The following RETREG1 variants were observed in gnomAD, a reference collection of about 807,000 sequenced individuals.
The protein encoded by RETREG1 is reticulophagy regulator 1, also known as family with sequence similarity 134 member B.
A neutral mutation model predicts 54.8 loss-of-function variants in RETREG1; 44 were observed. The observed-to-expected ratio is 0.80, with a 90% CI of 0.63 to 1.03. RETREG1 has a LOEUF of 1.03. Ranked by LOEUF, RETREG1 falls within the 50% of genes least tolerant of loss-of-function variation. The pLI, the probability that RETREG1 is intolerant of heterozygous loss-of-function variation, is 0.00. For missense variants in RETREG1, 554 were observed against 605.1 expected (o/e 0.92, Z 0.89); for synonymous variants, 217 against 238.5 (o/e 0.91, Z 0.83).
chr5:16,568,096 C>A (rs1311552260), intron 2 of RETREG1, among the ~76,000 whole-genome samples: 1 of 151,962 alleles, frequency 6.6e-6, no homozygotes, highest in Non-Finnish European at 1.5e-5. Flanking sequence ...TAGAAGAGTT[C>A]CCCAGAGTTC....
rs1321927615 is a variant in RETREG1, at chr5:16,473,737, A to G, written c.*1004T>C. 6.6e-6 allele frequency: 1 copy of G among 152,270 alleles called. No homozygotes were observed. The highest frequency in any genetic ancestry group is 1.5e-5 in the Non-Finnish European group (1 of 68,012). 9.4% of individuals were successfully genotyped at this position (152,270 alleles called of 1,614,324 possible). On this transcript the variant is annotated 3_prime_UTR_variant, in exon 9 of 9. Coordinates refer to ENST00000306320, the MANE Select transcript of RETREG1 (RefSeq NM_001034850.3). ...CCAATAAGAAACAGATTCCATATTT[A>G]TACTTAAATGGCAAATAAATATATT...
chr5:16,593,256 C>T lies in RETREG1; in HGVS notation c.321-21154G>A, dbSNP rs1056159976. Among the ~76,000 whole-genome samples the T allele has an allele frequency of 2.0e-5, 3 of 152,076 alleles. No homozygotes were observed. Among genetic ancestry groups the T allele is most frequent in the Non-Finnish European group, 4.4e-5 (3 of 68,012 alleles). On this transcript the variant is annotated intron_variant, in intron 1 of 8. Transcript: ENST00000306320. This position sits in a 1 kb window ranked among gnomAD's most constrained non-coding sequence, Gnocchi z 4.9. ...TGATGTGTTTTCCTTTCAGAGCACG[C>T]CTTCTGACTCCCACTTGTATGCTGG...
At chr5:16,578,063 T>C in intron 1 of RETREG1, among the ~76,000 whole-genome samples, 1 of 152,214 alleles carries the variant, frequency 6.6e-6, no homozygotes, top group East Asian at 1.9e-4. Flanking sequence ...ATATTTGACG[T>C]GTTTCAGTCA....
chr5:16,573,742 G>GTT (rs34651832), intron 1 of RETREG1, among the ~76,000 whole-genome samples: 36 of 126,524 alleles, frequency 2.8e-4, no homozygotes, highest in South Asian at 7.6e-4. Context: ...TTTGTTTTTT[G>GTT]TTTTTTTTTT....
chr5:16,576,294 C>CTTTTTTTT (rs70940380), intron 1 of RETREG1, among the ~76,000 whole-genome samples: 1 of 125,836 alleles, frequency 7.9e-6, no homozygotes, highest in African/African-American at 2.9e-5. Flanking sequence ...TTTTCTTTTT[C>CTTTTTTTT]TTTTTTTTTT....
In RETREG1 at chr5:16,512,840, T is replaced by C. The variant is rs372990860; in HGVS notation, c.459-29368A>G. Among the ~76,000 whole-genome samples the C allele has an allele frequency of 2.0e-4, 31 of 152,114 alleles. No individual in the cohort carries two copies. In the South Asian group the frequency reaches 4.8e-3, roughly 23 times the overall value. ...ATGAGGCCTTCTGTGATTGTTCTGA[T>C]TGAGGAGATGTCAGCAGAAACATCA... On this transcript the variant is annotated intron_variant, in intron 3 of 8. Transcript: ENST00000306320.
chr5:16,497,715 T>C (rs1484136729), intron 3 of RETREG1, among the ~76,000 whole-genome samples: 1 of 152,206 alleles, frequency 6.6e-6, no homozygotes, highest in African/African-American at 2.4e-5. Flanking sequence ...CATTCCACCA[T>C]TGCCATGCAT....
Position 16,553,703 on chromosome 5 carries a change from C to T in RETREG1, c.458+12060G>A, listed in dbSNP as rs1380020987. On this transcript the variant is annotated intron_variant, in intron 3 of 8. Transcript: ENST00000306320. ...CTGGCAGGCAGCAGGACGGGGTGGG[C>T]GGGGGAGCAACTGTATCAGTCCTGA... Among the ~76,000 whole-genome samples the T allele has an allele frequency of 2.2e-4, 34 of 151,898 alleles. No individual in the cohort carries two copies. In the East Asian group the frequency reaches 3.9e-3, roughly 17 times the overall value.
intron 3 of RETREG1, among the ~76,000 whole-genome samples, chr5:16,553,947 G>T (rs1157449485): frequency 6.6e-6 from 1 of 152,158 alleles, no homozygotes; most frequent in Non-Finnish European, 1.5e-5. Context: ...GTTGTCCAAA[G>T]ACTACAGTTC....
In RETREG1 at chr5:16,579,422, G is replaced by A. The variant is rs529321607; in HGVS notation, c.321-7320C>T. Among the ~76,000 whole-genome samples the A allele has an allele frequency of 8.5e-5, 13 of 152,274 alleles. No individual in the cohort carries two copies. The South Asian group carries it at 2.7e-3, about 32-fold the overall frequency. On this transcript the variant is annotated intron_variant, in intron 1 of 8. Transcript: ENST00000306320. The stretch of plus-strand genomic sequence containing the variant: ...GACACAAGTGTCTGCCTCTTAATCT[G>A]CCTGCTCCCACATGAAAAGAGCTGG...
intron 1 of RETREG1, among the ~76,000 whole-genome samples, chr5:16,581,381 G>A (rs62369751): frequency 0.054 from 8,163 of 152,152 alleles, 237 homozygotes; most frequent in African/African-American, 0.065. Context: ...CCAAGTGACG[G>A]CCTTCCCCAG....
At chr5:16,555,693 G>A (rs1215810305) in intron 3 of RETREG1, among the ~76,000 whole-genome samples, 2 of 152,034 alleles carry the variant, frequency 1.3e-5, no homozygotes, top group African/African-American at 4.8e-5. Flanking sequence ...AATTAGCACT[G>A]TATTACCTTT....
In RETREG1 at chr5:16,478,931, A is replaced by G. The variant is rs1738651185; in HGVS notation, c.727T>C (p.Tyr243His). 6.2e-7 allele frequency: 1 copy of G among 1,612,254 alleles called. No individual in the cohort carries two copies. Among genetic ancestry groups the G allele is most frequent in the Non-Finnish European group, 8.5e-7 (1 of 1,178,826 alleles). Residue 243 changes from tyrosine to histidine, a missense_variant, in exon 6 of 9, where the codon TAC becomes CAC. Tyr to His is a moderately conservative substitution (Grantham distance 83). Coordinates refer to ENST00000306320, the MANE Select transcript of RETREG1 (RefSeq NM_001034850.3). ...AGCAGAACTGACTTAATTTTGCTGT[A>G]AATTTTTTGTCCAATATCATTACAT... Reference protein sequence around the residue: ...FKCNDIGQKIYSKIKSVLLKL... With the variant: ...FKCNDIGQKIHSKIKSVLLKL...
At chr5:16,579,407 T>G (rs1742423993) in intron 1 of RETREG1, among the ~76,000 whole-genome samples, 1 of 152,182 alleles carries the variant, frequency 6.6e-6, no homozygotes, top group African/African-American at 2.4e-5. Context: ...GACACAAGTG[T>G]CTGCCTCTTA....
chr5:16,541,741 GA>G lies in RETREG1; in HGVS notation c.458+24021del, dbSNP rs1469522422. 9.1e-3 allele frequency among the ~76,000 whole-genome samples: 395 copies of G among 43,216 alleles called. 2 individuals carry two copies. The highest frequency in any genetic ancestry group is 0.038 in the African/African-American group (340 of 9,006). 28.4% of individuals were successfully genotyped at this position (43,216 alleles called of 152,430 possible). ...AGAGAAGAGAAGAGAGGGAGGGAGG[GA>G]AGGAAGGAAGGAAGGAAGGAAGGAA... On this transcript the variant is annotated intron_variant, in intron 3 of 8. Coordinates refer to ENST00000306320, the MANE Select transcript of RETREG1 (RefSeq NM_001034850.3).
At chr5:16,548,008 A>G (rs898214464) in intron 3 of RETREG1, among the ~76,000 whole-genome samples, 6 of 152,172 alleles carry the variant, frequency 3.9e-5, no homozygotes, top group Admixed American at 1.3e-4. Context: ...CTTATATCCT[A>G]TAAGTACATA....
chr5:16,503,669 A>C (rs1474528627), intron 3 of RETREG1, among the ~76,000 whole-genome samples: 2 of 147,908 alleles, frequency 1.4e-5, no homozygotes, highest in African/African-American at 5.0e-5. Flanking sequence ...TCTCAAAAAA[A>C]AAAAAAAAAG....
intron 1 of RETREG1, among the ~76,000 whole-genome samples, chr5:16,589,581 G>A (rs987007800): frequency 6.6e-6 from 1 of 152,138 alleles, no homozygotes; most frequent in Non-Finnish European, 1.5e-5. Context: ...GGTCAAACTG[G>A]TCTCAAACTC....
intron 3 of RETREG1, among the ~76,000 whole-genome samples, chr5:16,520,075 C>T (rs560371037): frequency 7.9e-5 from 12 of 152,258 alleles, no homozygotes; most frequent in South Asian, 4.1e-4. Context: ...CTGGACAGAG[C>T]GGACTGCAGC....
Sources: allele counts gnomAD v4.1 joint callset (sites outside exome capture counted in the v4.1 genomes callset), GRCh38; gene constraint gnomAD v4.1.1; non-coding constraint Gnocchi (gnomAD v3.1); transcripts MANE v1.5; gene names NCBI Gene and HGNC (gene_info 2026-07-23, HGNC 2026-07-21).